Variants in ANKS3 observed in about 807,000 individuals in gnomAD.
ANKS3 encodes ankyrin repeat and sterile alpha motif domain containing 3, also known as ankyrin repeat and SAM domain-containing protein 3.
In ANKS3, 62 loss-of-function variants were observed where a neutral mutation model predicts 80.7. That is an observed-to-expected ratio of 0.77 (90% CI 0.63 to 0.95). The LOEUF (loss-of-function observed/expected upper bound fraction) is 0.95. ANKS3 is among the 40% of genes least tolerant of loss of function. ANKS3 has a pLI of 0.00. For missense variants in ANKS3, 1,150 were observed against 883.6 expected, an observed-to-expected ratio of 1.30 and a Z score of -3.82; for synonymous variants, 489 against 355.3, an observed-to-expected ratio of 1.38 and a Z score of -4.23.
intron 7 of ANKS3, among the ~76,000 whole-genome samples, chr16:4,707,349 T>G (rs2080251820): frequency 6.7e-6 from 1 of 149,814 alleles, no homozygotes; most frequent in Non-Finnish European, 1.5e-5. Flanking sequence ...TGGCACAATC[T>G]CGGCTCATTG....
chr16:4,726,233 C>G (rs1164530491), intron 5 of ANKS3, among the ~76,000 whole-genome samples: 1 of 152,180 alleles, frequency 6.6e-6, no homozygotes, highest in Non-Finnish European at 1.5e-5. Flanking sequence ...ACCTCGGCCT[C>G]CCAAAGAGCT....
rs1241997876 is a variant in ANKS3 at position 4,730,071 on chromosome 16, G to C, written c.79C>G (p.Gln27Glu). The change falls in exon 3 of 18, where the codon CAG becomes GAG. Residue 27 changes from glutamine (Q) to glutamate (E), a missense_variant. Physicochemically the swap from Gln to Glu is conservative, Grantham distance 29. Coordinates refer to ENST00000304283, the MANE Select transcript of ANKS3 (RefSeq NM_133450.4). ...ACATCCAGCTCCTCCCCGCTGACCT[G>C]TGTCCCGAGCCCGTGCCACATGGAC... ...SLSMWHGLGT[Q>E]VSGEELDVPL... 6.3e-7 allele frequency: 1 copy of C among 1,595,154 alleles called. No individual in the cohort carries two copies. Among genetic ancestry groups the C allele is most frequent in the Non-Finnish European group, 8.6e-7 (1 of 1,169,234 alleles).
rs779017738 is a variant in ANKS3, at chr16:4,727,177, C to G, written c.171G>C (p.Arg57=). 2 of 1,613,852 alleles carry G rather than the reference C, an allele frequency of 1.2e-6. No individual in the cohort carries two copies. Among genetic ancestry groups the G allele is most frequent in the African/African-American group, 2.7e-5 (2 of 74,948 alleles). ...QYEVVKECVQ[R]RELDLNKKNG... is the part of the protein sequence containing the mutation. ...TCTTCTTATTCAAATCTAACTCTCT[C>G]CTAAACAAACGCAAGATATGCTAGA... The change falls in exon 4 of 18, where the codon CGG becomes CGC. Residue 57 remains arginine, a splice_region_variant and synonymous_variant. Transcript: ENST00000304283.
At position 4,698,571 on chromosome 16, in the gene ANKS3, C is replaced by T; in HGVS notation, c.1580G>A (p.Gly527Asp). ...KRCEEVEATR[G>D]QVCQEQELRA... is the part of the protein sequence containing the mutation. Reference sequence around the variant, plus strand: ...CAGCTCCTGCTCCTGACACACCTGGCCCCGCGTGGCCTCTACCTCCTCGCA... The same window carrying T: ...CAGCTCCTGCTCCTGACACACCTGGTCCCGCGTGGCCTCTACCTCCTCGCA... Residue 527 changes from glycine (G) to aspartate (D), a missense_variant, in exon 14 of 18, where the codon GGC becomes GAC. Transcript: ENST00000304283. 2 of 1,576,178 alleles carry T rather than the reference C, an allele frequency of 1.3e-6. No homozygotes were observed. Among genetic ancestry groups the T allele is most frequent in the South Asian group, 1.1e-5 (1 of 88,236 alleles).
intron 1 of ANKS3, among the ~76,000 whole-genome samples, chr16:4,732,696 A>AC (rs1289488681): frequency 1.3e-5 from 2 of 151,576 alleles, no homozygotes; most frequent in African/African-American, 4.9e-5. Flanking sequence ...AAAACAAAAA[A>AC]AAAACACTAA....
intron 13 of ANKS3, 85 bp downstream of exon 13, chr16:4,698,715 C>T: frequency 6.5e-7 from 1 of 1,544,742 alleles, no homozygotes; most frequent in Non-Finnish European, 8.7e-7. Context: ...CCTGACCCCT[C>T]CACACAGCAC....
intron 7 of ANKS3, among the ~76,000 whole-genome samples, chr16:4,706,350 G>C (rs567786969): frequency 5.3e-5 from 8 of 151,922 alleles, no homozygotes; most frequent in African/African-American, 1.7e-4. Flanking sequence ...CCTGCCTCAG[G>C]CTCCCAAGTA....
At chr16:4,719,321 A>G (rs951367559) in intron 6 of ANKS3, among the ~76,000 whole-genome samples, 1 of 152,198 alleles carries the variant, frequency 6.6e-6, no homozygotes, top group Non-Finnish European at 1.5e-5. Flanking sequence ...AAACAGAGTG[A>G]GACTCTGTCT....
chr16:4,696,971 G>T, intron 17 of ANKS3, 46 bp downstream of exon 17: 3 of 1,585,408 alleles, frequency 1.9e-6, no homozygotes, highest in Non-Finnish European at 8.6e-7. Context: ...GCCCAGACAG[G>T]CCCTGCTGCT....
chr16:4,713,902 A>G (rs1263920770), intron 7 of ANKS3, 149 bp downstream of exon 7: 2 of 1,138,024 alleles, frequency 1.8e-6, no homozygotes, highest in Non-Finnish European at 2.4e-6. Context: ...AGGGGCCTCA[A>G]CCTTGACATG....
intron 7 of ANKS3, among the ~76,000 whole-genome samples, chr16:4,707,195 T>A (rs1306888447): frequency 1.3e-5 from 2 of 151,432 alleles, no homozygotes; most frequent in Non-Finnish European, 2.9e-5. Flanking sequence ...AACAGGCAGA[T>A]GGAAACCACA....
At chr16:4,712,656 A>G (rs1157620679) in intron 7 of ANKS3, among the ~76,000 whole-genome samples, 1 of 152,274 alleles carries the variant, frequency 6.6e-6, no homozygotes, top group African/African-American at 2.4e-5. Flanking sequence ...GAACTGAGGA[A>G]TACTTTGTTA....
At chr16:4,719,382 T>C (rs751052608) in intron 6 of ANKS3, among the ~76,000 whole-genome samples, 45 of 152,334 alleles carry the variant, frequency 3.0e-4, no homozygotes, top group Non-Finnish European at 5.3e-4. Flanking sequence ...ATATCTCTTA[T>C]GATCTCCAGT....
chr16:4,724,877 C>T (rs1050258035), intron 5 of ANKS3, 46 bp from the exon 6 acceptor site: 9 of 1,591,164 alleles, frequency 5.7e-6, no homozygotes, highest in East Asian at 2.2e-5. Context: ...AGACAAGTTC[C>T]GCCAGGCAAA....
intron 7 of ANKS3, among the ~76,000 whole-genome samples, chr16:4,711,323 G>A (rs12932049): frequency 1.3e-5 from 2 of 151,186 alleles, no homozygotes; most frequent in South Asian, 2.1e-4. Flanking sequence ...GGCTGGTCTC[G>A]AACTCCCGAC....
At chr16:4,708,584 G>A (rs546308032) in intron 7 of ANKS3, among the ~76,000 whole-genome samples, 4 of 152,218 alleles carry the variant, frequency 2.6e-5, no homozygotes, top group South Asian at 2.1e-4. Context: ...ATCAAAATCC[G>A]ATGGGTTTTT....
At chr16:4,718,654 T>C (rs189203590) in intron 6 of ANKS3, among the ~76,000 whole-genome samples, 1 of 152,270 alleles carries the variant, frequency 6.6e-6, no homozygotes, top group East Asian at 1.9e-4. Context: ...AGGAAAAACG[T>C]GGGAGAGAGG....
At chr16:4,697,199 T>G in intron 16 of ANKS3, 95 bp from the exon 17 acceptor site, 1 of 1,559,744 alleles carries the variant, frequency 6.4e-7, no homozygotes, top group East Asian at 2.3e-5. Flanking sequence ...GACCTGCCCC[T>G]CACCCGTTAT....
chr16:4,716,447 G>A (rs2080801062), intron 6 of ANKS3, among the ~76,000 whole-genome samples: 1 of 151,950 alleles, frequency 6.6e-6, no homozygotes, highest in Non-Finnish European at 1.5e-5. Context: ...TAGACCAGGG[G>A]GCCTCAACCT....
Sources: gnomAD v4.1 joint callset for allele counts (sites outside exome capture counted in the v4.1 genomes callset) on GRCh38, gnomAD v4.1.1 for gene constraint, MANE v1.5 for transcripts, NCBI Gene and HGNC (gene_info 2026-07-23, HGNC 2026-07-21) for gene names.